The following NCAM2 variants were observed in gnomAD, a reference collection of about 807,000 sequenced individuals.
The protein encoded by NCAM2 is N-CAM-2.
In NCAM2, 30 loss-of-function variants were observed where a neutral mutation model predicts 98.1. The observed-to-expected ratio is 0.31, with a 90% CI of 0.23 to 0.41. The LOEUF is 0.41. Ranked by LOEUF, NCAM2 falls within the 10% of genes least tolerant of loss-of-function variation. NCAM2 has a pLI of 1.00. For missense variants in NCAM2, 867 were observed against 1,005.8 expected, an observed-to-expected ratio of 0.86 and a Z score of 1.87; for synonymous variants, 368 against 342.4, an observed-to-expected ratio of 1.07 and a Z score of -0.83.
At chr21:21,509,087 T>C in intron 16 of NCAM2, 32 bp downstream of exon 16, 1 of 1,608,308 alleles carries the variant, frequency 6.2e-7, no homozygotes, top group Non-Finnish European at 8.5e-7. Flanking sequence ...CATGTCATAT[T>C]AAACAAGCGC....
chr21:21,014,332 A>C (rs1303290434), intron 1 of NCAM2, among the ~76,000 whole-genome samples: 1 of 151,794 alleles, frequency 6.6e-6, no homozygotes, highest in Non-Finnish European at 1.5e-5. Flanking sequence ...GCTGAGGCAG[A>C]AGAATAGCTT....
In NCAM2 at chr21:21,324,366, A is replaced by T. The variant is rs1200942711; in HGVS notation, c.620-17A>T. ...GTGTTTTCGTCTCTATTTATTCTGT[A>T]TTCATCTCTCCTTCAGTGCCGCCAG... is the stretch of plus-strand genomic sequence containing the variant. On this transcript the variant is annotated splice_polypyrimidine_tract_variant and intron_variant, in intron 5 of 17. Coordinates refer to ENST00000400546, the MANE Select transcript of NCAM2 (RefSeq NM_004540.5). 3.1e-6 allele frequency: 5 copies of T among 1,589,772 alleles called. No individual in the cohort carries two copies. Among genetic ancestry groups the T allele is most frequent in the African/African-American group, 1.3e-5 (1 of 74,320 alleles).
chr21:21,389,952 C>G lies in NCAM2; in HGVS notation c.1195+15939C>G, dbSNP rs376933475. Among the ~76,000 whole-genome samples, 13 of 152,264 alleles carry G rather than the reference C, an allele frequency of 8.5e-5. No individual in the cohort carries two copies. In the East Asian group the frequency reaches 2.1e-3, roughly 25 times the overall value. ...GCAACCTCCACCTCTCCGGTTCAAG[C>G]TATTCTCCTGCCTCAGCCTCCCGAG... On this transcript the variant is annotated intron_variant, in intron 9 of 17. Coordinates refer to ENST00000400546, the MANE Select transcript of NCAM2 (RefSeq NM_004540.5).
chr21:21,147,036 A>T, intron 1 of NCAM2: 1 of 836,892 alleles, frequency 1.2e-6, no homozygotes, highest in Non-Finnish European at 1.4e-6. Context: ...GCCCTGTCCC[A>T]CTCCGGAACT....
intron 5 of NCAM2, among the ~76,000 whole-genome samples, chr21:21,308,451 G>A (rs1273867540): frequency 6.6e-6 from 1 of 152,050 alleles, no homozygotes; most frequent in Non-Finnish European, 1.5e-5. Flanking sequence ...GAATCATTAT[G>A]TTTGCCTGAG....
chr21:21,240,401 A>G (rs1274783604), intron 1 of NCAM2, among the ~76,000 whole-genome samples: 2 of 151,566 alleles, frequency 1.3e-5, no homozygotes, highest in Non-Finnish European at 2.9e-5. Flanking sequence ...AAAAGCTACA[A>G]TTTTGCACAA....
intron 1 of NCAM2, among the ~76,000 whole-genome samples, chr21:21,009,081 A>G (rs62207558): frequency 0.023 from 3,530 of 152,244 alleles, 69 homozygotes; most frequent in African/African-American, 0.049. Context: ...GTACTTGAAT[A>G]GAGAGAATAG....
chr21:21,055,117 G>T lies in NCAM2; in HGVS notation c.55+56499G>T, dbSNP rs114498370. Reference sequence around the variant, plus strand: ...AATTTTCAGACAACCTTTCTTATCTGTTAAGTATTGGTATATTTTTGATAG... The same window carrying T: ...AATTTTCAGACAACCTTTCTTATCTTTTAAGTATTGGTATATTTTTGATAG... On this transcript the variant is annotated intron_variant, in intron 1 of 17. Coordinates refer to ENST00000400546, the MANE Select transcript of NCAM2 (RefSeq NM_004540.5). Among the ~76,000 whole-genome samples the T allele has an allele frequency of 8.3e-3, 1,264 of 152,060 alleles. 17 individuals carry two copies. Among genetic ancestry groups the T allele is most frequent in the African/African-American group, 0.028 (1,149 of 41,512 alleles).
chr21:21,239,470 C>G (rs2070980931), intron 1 of NCAM2: 1 of 152,098 alleles, frequency 6.6e-6, no homozygotes, highest in Admixed American at 6.6e-5. Context: ...AAGATATTAC[C>G]AGGTATTCTG....
At chr21:21,336,251 T>A (rs1177335924) in intron 7 of NCAM2, among the ~76,000 whole-genome samples, 1 of 152,094 alleles carries the variant, frequency 6.6e-6, no homozygotes, top group Non-Finnish European at 1.5e-5. Context: ...TCTAATAGAA[T>A]TTTTCCCTTT....
chr21:21,030,482 C>T (rs1568945156), intron 1 of NCAM2, among the ~76,000 whole-genome samples: 1 of 152,106 alleles, frequency 6.6e-6, no homozygotes, highest in Non-Finnish European at 1.5e-5. Flanking sequence ...TTTAAGGGCT[C>T]TTGGGATTGT....
chr21:21,231,963 A>C (rs2070644638), intron 1 of NCAM2, among the ~76,000 whole-genome samples: 1 of 151,584 alleles, frequency 6.6e-6, no homozygotes, highest in South Asian at 2.1e-4. Context: ...CATTATAAAA[A>C]CCAGCTTTCT....
intron 16 of NCAM2, among the ~76,000 whole-genome samples, chr21:21,530,191 T>G (rs1181887834): frequency 1.7e-5 from 2 of 116,032 alleles, no homozygotes; most frequent in African/African-American, 6.3e-5. Context: ...TGATTTAATT[T>G]AATTTAATTA....
intron 1 of NCAM2, among the ~76,000 whole-genome samples, chr21:21,243,512 A>G (rs1451656540): frequency 6.6e-6 from 1 of 152,198 alleles, no homozygotes; most frequent in Admixed American, 6.5e-5. Context: ...TTTGACAGTT[A>G]AGAGATGTCG....
intron 1 of NCAM2, among the ~76,000 whole-genome samples, chr21:21,008,274 A>C: frequency 6.6e-6 from 1 of 152,330 alleles, no homozygotes; most frequent in Non-Finnish European, 1.5e-5. Context: ...TTAGCATAGA[A>C]AAACTGGCTT....
At chr21:21,319,606 A>ACT (rs1416062865) in intron 5 of NCAM2, among the ~76,000 whole-genome samples, 6 of 152,166 alleles carry the variant, frequency 3.9e-5, no homozygotes, top group Non-Finnish European at 7.3e-5. Context: ...ATACCACTGC[A>ACT]CTCCAGCCTG....
intron 9 of NCAM2, among the ~76,000 whole-genome samples, chr21:21,409,892 C>T (rs1029064904): frequency 6.6e-6 from 1 of 152,014 alleles, no homozygotes; most frequent in Non-Finnish European, 1.5e-5. Context: ...GGGCGGATCT[C>T]GAGGTCAGGA....
At chr21:21,519,751 AG>A (rs750895693) in intron 16 of NCAM2, among the ~76,000 whole-genome samples, 85 of 152,140 alleles carry the variant, frequency 5.6e-4, no homozygotes, top group Admixed American at 1.4e-3. Flanking sequence ...GTAGTGTTCA[AG>A]TTTGAAAAAG....
intron 1 of NCAM2, among the ~76,000 whole-genome samples, chr21:21,004,442 A>G (rs2064075646): frequency 6.6e-6 from 1 of 152,162 alleles, no homozygotes; most frequent in Non-Finnish European, 1.5e-5. Context: ...GTTATCTGGA[A>G]CTGGGAGTAG....
Sources: gnomAD v4.1 joint callset for allele counts (sites outside exome capture counted in the v4.1 genomes callset) on GRCh38, gnomAD v4.1.1 for gene constraint, MANE v1.5 for transcripts, NCBI Gene and HGNC (gene_info 2026-07-23, HGNC 2026-07-21) for gene names.